The following SPAG16 variants were observed in gnomAD, a reference collection of about 807,000 sequenced individuals.
SPAG16 encodes sperm associated antigen 16.
SPAG16 carries 86 observed loss-of-function variants against 80.4 expected under a neutral mutation model. The ratio of observed to expected loss-of-function variants is 1.07; its 90% CI spans 0.90 to 1.28. SPAG16 has a LOEUF of 1.28. Among genes scored for constraint, SPAG16 ranks in the 50% most tolerant of loss-of-function variants. SPAG16 has a pLI of 0.00. For missense variants in SPAG16, 870 were observed against 765.3 expected (o/e 1.14, Z -1.61); for synonymous variants, 294 against 265.9 (o/e 1.11, Z -1.03).
At chr2:213,956,446 CTT>C (rs755475252) in intron 12 of SPAG16, among the ~76,000 whole-genome samples, 37,434 of 112,392 alleles carry the variant, frequency 0.33, 5,339 homozygotes, top group South Asian at 0.47. Context: ...ATTTTTTTTC[CTT>C]TTTTTTTTTT....
chr2:214,324,814 T>C (rs1696357163), intron 15 of SPAG16, among the ~76,000 whole-genome samples: 1 of 152,168 alleles, frequency 6.6e-6, no homozygotes, highest in Admixed American at 6.5e-5. Context: ...GGTCATTTGA[T>C]TTAATTTAAA....
intron 15 of SPAG16, among the ~76,000 whole-genome samples, chr2:214,191,817 C>T (rs1339238140): frequency 2.6e-5 from 4 of 151,108 alleles, no homozygotes; most frequent in Admixed American, 1.3e-4. Context: ...AAACGATTTC[C>T]GTATAGTTAT....
chr2:213,547,664 C>T (rs2076653682), intron 10 of SPAG16, among the ~76,000 whole-genome samples: 1 of 152,098 alleles, frequency 6.6e-6, no homozygotes, highest in South Asian at 2.1e-4. Flanking sequence ...ATCTATAAAA[C>T]TAGGTACACA....
chr2:213,294,992 C>G (rs770435905), intron 1 of SPAG16, among the ~76,000 whole-genome samples: 4 of 152,062 alleles, frequency 2.6e-5, no homozygotes, highest in Non-Finnish European at 5.9e-5. Context: ...TAGAACAGTT[C>G]CTGTCTCCTA....
intron 13 of SPAG16, among the ~76,000 whole-genome samples, chr2:214,035,232 C>G (rs2125066348): frequency 6.6e-6 from 1 of 152,244 alleles, no homozygotes; most frequent in South Asian, 2.1e-4. Context: ...ACTGATTAAT[C>G]TATGAGCAGC....
intron 10 of SPAG16, among the ~76,000 whole-genome samples, chr2:213,808,132 T>A (rs1208456384): frequency 6.6e-6 from 1 of 152,190 alleles, no homozygotes; most frequent in Non-Finnish European, 1.5e-5. Context: ...AATGAGGCTG[T>A]TCTATAAGGA....
At chr2:214,185,153 T>G (rs2057428223) in intron 15 of SPAG16, among the ~76,000 whole-genome samples, 1 of 152,064 alleles carries the variant, frequency 6.6e-6, no homozygotes, top group African/African-American at 2.4e-5. Flanking sequence ...AAGTGCTCGT[T>G]CTAGAGGCTC....
intron 13 of SPAG16, among the ~76,000 whole-genome samples, chr2:214,040,478 C>T (rs2048947697): frequency 6.6e-6 from 1 of 152,064 alleles, no homozygotes; most frequent in African/African-American, 2.4e-5. Context: ...TGTATTGTTC[C>T]CCTCTATGTG....
intron 9 of SPAG16, among the ~76,000 whole-genome samples, chr2:213,489,460 T>G (rs1207864410): frequency 2.6e-5 from 4 of 152,168 alleles, no homozygotes; most frequent in Admixed American, 1.3e-4. Flanking sequence ...TTTCAGTAAG[T>G]GTTTTTAAAT....
At chr2:213,340,374 T>C (rs2064620590) in intron 6 of SPAG16, 104 bp downstream of exon 6, 4 of 822,710 alleles carry the variant, frequency 4.9e-6, no homozygotes, top group East Asian at 2.7e-5. Flanking sequence ...TCCACGGTTA[T>C]TGAGCATAAG....
At chr2:213,593,065 G>A (rs1249678368) in intron 10 of SPAG16, among the ~76,000 whole-genome samples, 3 of 150,768 alleles carry the variant, frequency 2.0e-5, no homozygotes, top group African/African-American at 7.3e-5. Context: ...AACTCAATCC[G>A]TATGTATATA....
chr2:214,117,476 T>C (rs867163487), intron 14 of SPAG16, among the ~76,000 whole-genome samples: 1 of 152,114 alleles, frequency 6.6e-6, no homozygotes, highest in African/African-American at 2.4e-5. Flanking sequence ...TTGAAGAGGA[T>C]AGAGTTCTTA....
At chr2:213,966,545 A>T (rs1298090541) in intron 12 of SPAG16, among the ~76,000 whole-genome samples, 1 of 152,202 alleles carries the variant, frequency 6.6e-6, no homozygotes, top group African/African-American at 2.4e-5. Flanking sequence ...AGAAATTTTT[A>T]AAAAACATCT....
intron 9 of SPAG16, among the ~76,000 whole-genome samples, chr2:213,385,504 G>A (rs2125262120): frequency 6.6e-6 from 1 of 152,222 alleles, no homozygotes; most frequent in South Asian, 2.1e-4. Flanking sequence ...GCAGTTCCTT[G>A]GAAGTAGTTC....
At chr2:213,480,897 T>C (rs932431588) in intron 9 of SPAG16, among the ~76,000 whole-genome samples, 1 of 152,202 alleles carries the variant, frequency 6.6e-6, no homozygotes, top group African/African-American at 2.4e-5. Context: ...AAAAATTGAA[T>C]AACTTAGAAA....
intron 15 of SPAG16, among the ~76,000 whole-genome samples, chr2:214,215,417 C>T (rs1182517493): frequency 6.6e-6 from 1 of 152,122 alleles, no homozygotes; most frequent in Non-Finnish European, 1.5e-5. Context: ...GATTCCATTT[C>T]CCCACACTGC....
intron 9 of SPAG16, among the ~76,000 whole-genome samples, chr2:213,389,485 A>G (rs1034879915): frequency 1.3e-5 from 2 of 152,140 alleles, no homozygotes; most frequent in Non-Finnish European, 1.5e-5. Flanking sequence ...AATGGGAGAA[A>G]ATATCTGTAA....
intron 10 of SPAG16, among the ~76,000 whole-genome samples, chr2:213,619,848 A>G (rs1330906550): frequency 6.6e-6 from 1 of 152,196 alleles, no homozygotes; most frequent in East Asian, 1.9e-4. Context: ...TATATTTAAC[A>G]GGCATCTGCA....
intron 9 of SPAG16, among the ~76,000 whole-genome samples, chr2:213,479,937 A>G (rs1480966971): frequency 6.6e-6 from 1 of 152,174 alleles, no homozygotes; most frequent in Non-Finnish European, 1.5e-5. Context: ...CATGTAGAAT[A>G]TATCTCTTCA....
Sources: allele counts gnomAD v4.1 joint callset (sites outside exome capture counted in the v4.1 genomes callset), GRCh38; gene constraint gnomAD v4.1.1; transcripts MANE v1.5; gene names NCBI Gene and HGNC (gene_info 2026-07-23, HGNC 2026-07-21).